Variants in LCP2 observed in about 807,000 individuals in gnomAD.
The protein encoded by LCP2 is 76 kDa tyrosine phosphoprotein.
In LCP2, 29 loss-of-function variants were observed where a neutral mutation model predicts 74.5. That is an observed-to-expected ratio of 0.39 (90% CI 0.29 to 0.53). The LOEUF (loss-of-function observed/expected upper bound fraction) is 0.53, where lower values mean the gene tolerates loss of function less well. LCP2 is among the 20% of genes least tolerant of loss of function. The pLI is 0.72. For synonymous variants in LCP2, 228 were observed against 229.5 expected (o/e 0.99, Z 0.06); for missense variants, 604 against 634.6 (o/e 0.95, Z 0.52).
rs574960963 is a variant in LCP2, at chr5:170,271,637, G to A, written c.325-720C>T. Among the ~76,000 whole-genome samples, 9 of 152,084 alleles carry A rather than the reference G, an allele frequency of 5.9e-5. No individual in the cohort carries two copies. The South Asian group carries it at 1.9e-3, about 32-fold the overall frequency. ...CAGGGAAAGTAAGCCCGAGGTGCTG[G>A]ATGCTTGCCTTTGAAGCAGTCCATG... On this transcript the variant is annotated intron_variant, in intron 6 of 20. Transcript: ENST00000046794.
At chr5:170,264,623 T>C (rs9313497) in intron 10 of LCP2, among the ~76,000 whole-genome samples, 25,336 of 152,062 alleles carry the variant, frequency 0.17, 3,218 homozygotes, top group African/African-American at 0.35. Context: ...CACAGGGAAA[T>C]CCCAGTCTCT....
In LCP2 at chr5:170,256,939, A is replaced by G. The variant is rs1761563177; in HGVS notation, c.1101-364T>C. ...TTCCCTTTTGCTAGGAAATTATATTAATGGGCTTGTCTTTGGTGAGCAGTG... is the reference window on the plus strand; with the variant it reads ...TTCCCTTTTGCTAGGAAATTATATTGATGGGCTTGTCTTTGGTGAGCAGTG... On this transcript the variant is annotated intron_variant, in intron 16 of 20. Transcript: ENST00000046794. The surrounding 1 kb of genome is among the most constrained non-coding windows in gnomAD (Gnocchi z 4.5). 6.6e-6 allele frequency among the ~76,000 whole-genome samples: 1 copy of G among 152,160 alleles called. No individual in the cohort carries two copies. The highest frequency in any genetic ancestry group is 2.4e-5 in the African/African-American group (1 of 41,428).
chr5:170,291,901 G>A (rs1762301450), intron 2 of LCP2, among the ~76,000 whole-genome samples: 1 of 152,204 alleles, frequency 6.6e-6, no homozygotes, highest in African/African-American at 2.4e-5. Flanking sequence ...AAAGCTCCAG[G>A]AATTCTACTG....
intron 10 of LCP2, among the ~76,000 whole-genome samples, chr5:170,265,873 A>G (rs753725290): frequency 3.9e-5 from 6 of 152,214 alleles, no homozygotes; most frequent in Non-Finnish European, 5.9e-5. Context: ...CCTCAGACTC[A>G]TGTAGTTCAC....
chr5:170,268,699 C>T (rs1414286859), intron 7 of LCP2, among the ~76,000 whole-genome samples: 6 of 152,150 alleles, frequency 3.9e-5, no homozygotes, highest in Middle Eastern at 3.4e-3. Context: ...TATACACAGG[C>T]TCAGCTTTCT....
chr5:170,272,132 G>T (rs1033705469), intron 6 of LCP2, among the ~76,000 whole-genome samples: 3 of 152,144 alleles, frequency 2.0e-5, no homozygotes, highest in African/African-American at 7.2e-5. Flanking sequence ...CTCCCTCCAG[G>T]CTGCTGACCC....
intron 3 of LCP2, among the ~76,000 whole-genome samples, chr5:170,280,457 C>A (rs1488708198): frequency 6.6e-6 from 1 of 152,142 alleles, no homozygotes; most frequent in East Asian, 1.9e-4. Context: ...AAGAGCCAAA[C>A]CTTCTAAATT....
chr5:170,282,259 A>G (rs544947684), intron 3 of LCP2, among the ~76,000 whole-genome samples: 10 of 152,374 alleles, frequency 6.6e-5, no homozygotes, highest in Admixed American at 6.5e-4. Flanking sequence ...GGTTTTCTGT[A>G]CATGAACACA....
chr5:170,289,900 G>A (rs1283831132), intron 2 of LCP2, among the ~76,000 whole-genome samples: 1 of 151,816 alleles, frequency 6.6e-6, no homozygotes, highest in Non-Finnish European at 1.5e-5. Flanking sequence ...GCTGAGCACT[G>A]AGCAGCTGGC....
chr5:170,280,079 C>T (rs1278910738), intron 3 of LCP2, among the ~76,000 whole-genome samples: 1 of 152,048 alleles, frequency 6.6e-6, no homozygotes, highest in Non-Finnish European at 1.5e-5. Flanking sequence ...TCTTTGTTTC[C>T]TCTACTGTGG....
chr5:170,270,179 A>G (rs770974542), intron 7 of LCP2, among the ~76,000 whole-genome samples: 3 of 152,218 alleles, frequency 2.0e-5, no homozygotes, highest in Non-Finnish European at 4.4e-5. Context: ...GCAGATCAAC[A>G]ATGTTTGTTG....
intron 3 of LCP2, among the ~76,000 whole-genome samples, chr5:170,281,666 A>G: frequency 6.6e-6 from 1 of 152,236 alleles, no homozygotes; most frequent in East Asian, 1.9e-4. Flanking sequence ...AGAAATAGGT[A>G]CAAAGGAGAT....
At chr5:170,289,659 T>TTCTCTCTCTCTCTCTC (rs1561978389) in intron 2 of LCP2, among the ~76,000 whole-genome samples, 8 of 112,612 alleles carry the variant, frequency 7.1e-5, no homozygotes, top group African/African-American at 2.9e-4. Flanking sequence ...CTTTCTTTCT[T>TTCTCTCTCTCTCTCTC]TCTTTCTTTC....
In LCP2 at chr5:170,256,296, G is replaced by A. The variant is rs375800574; in HGVS notation, c.1150+230C>T. 6.6e-6 allele frequency among the ~76,000 whole-genome samples: 1 copy of A among 152,150 alleles called. No individual in the cohort carries two copies. The highest frequency in any genetic ancestry group is 1.9e-4 in the East Asian group (1 of 5,200). On this transcript the variant is annotated intron_variant, in intron 17 of 20. Transcript: ENST00000046794. The surrounding 1 kb of genome is among the most constrained non-coding windows in gnomAD (Gnocchi z 4.5). ...TGTGTGCATGTATATGTGCATGTGT[G>A]TATGGGCATGTATATGTATACGTGT...
intron 14 of LCP2, among the ~76,000 whole-genome samples, chr5:170,260,046 C>G (rs1014627547): frequency 6.6e-6 from 1 of 152,210 alleles, no homozygotes; most frequent in African/African-American, 2.4e-5. Context: ...TCCGTGGGCA[C>G]TGGTATCCAC....
At chr5:170,283,704 C>T (rs1298728245) in intron 3 of LCP2, among the ~76,000 whole-genome samples, 3 of 152,248 alleles carry the variant, frequency 2.0e-5, no homozygotes, top group Admixed American at 6.5e-5. Flanking sequence ...ACAACAACCA[C>T]TCACTTCAGC....
Position 170,247,197 on chromosome 5 carries a change from T to A in LCP2, c.*1500A>T, listed in dbSNP as rs897932250. 6.6e-6 allele frequency: 1 copy of A among 152,212 alleles called. No homozygotes were observed. Among genetic ancestry groups the A allele is most frequent in the Non-Finnish European group, 1.5e-5 (1 of 68,040 alleles). 9.4% of individuals were successfully genotyped at this position (152,212 alleles called of 1,614,324 possible). A position where few individuals can be genotyped will look rare whatever the true frequency, so the allele number is the denominator to read the frequency against. ...AGCCACTAAGTAAATACTTGCTGAA[T>A]AGCCCGTTGTGTAGACGTGTAAATG... On this transcript the variant is annotated 3_prime_UTR_variant, in exon 21 of 21. Coordinates refer to ENST00000046794, the MANE Select transcript of LCP2 (RefSeq NM_005565.5).
At chr5:170,257,888 C>T in intron 16 of LCP2, 149 bp downstream of exon 16, 1 of 756,308 alleles carries the variant, frequency 1.3e-6, no homozygotes, top group Non-Finnish European at 2.2e-6. Context: ...TCTTAATGCT[C>T]AGTTTGGTTT....
chr5:170,270,661 C>T, intron 7 of LCP2, 58 bp downstream of exon 7: 1 of 1,440,548 alleles, frequency 6.9e-7, no homozygotes. Flanking sequence ...TTCCATGCAG[C>T]AGTGGCGAGC....
Sources: gnomAD v4.1 joint callset for allele counts (sites outside exome capture counted in the v4.1 genomes callset) on GRCh38, gnomAD v4.1.1 for gene constraint, Gnocchi (gnomAD v3.1) non-coding constraint, MANE v1.5 for transcripts, NCBI Gene and HGNC (gene_info 2026-07-23, HGNC 2026-07-21) for gene names.